Variants in TMC5 observed in about 807,000 individuals in gnomAD.
The protein encoded by TMC5 is transmembrane channel like 5, also known as transmembrane channel-like protein 5.
Under a neutral mutation model 110.5 loss-of-function variants are expected in TMC5, and 86 were observed. The ratio of observed to expected loss-of-function variants is 0.78; its 90% CI spans 0.65 to 0.93. The LOEUF is 0.93. Among genes scored for constraint, TMC5 ranks in the 40% least tolerant of loss-of-function variants. TMC5 has a pLI of 0.00. For missense variants in TMC5, 1,144 were observed against 1,222.8 expected (o/e 0.94, Z 0.96); for synonymous variants, 455 against 439.5 (o/e 1.04, Z -0.44).
At chr16:19,484,618 G>A (rs1037087479) in intron 15 of TMC5, among the ~76,000 whole-genome samples, 3 of 151,896 alleles carry the variant, frequency 2.0e-5, no homozygotes, top group Non-Finnish European at 2.9e-5. Context: ...CAAATTAGCC[G>A]GCTGTGGTAG....
intron 17 of TMC5, among the ~76,000 whole-genome samples, chr16:19,489,699 G>C (rs566300206): frequency 6.7e-6 from 1 of 148,990 alleles, no homozygotes; most frequent in African/African-American, 2.5e-5. Flanking sequence ...TGCCTAGGCT[G>C]GTCTCGAACT....
chr16:19,474,001 T>C, intron 11 of TMC5, 124 bp from the exon 12 acceptor site: 2 of 880,576 alleles, frequency 2.3e-6, no homozygotes, highest in Non-Finnish European at 3.3e-6. Context: ...AATAAATAAA[T>C]AGATAAATAG....
At chr16:19,431,571 A>T (rs915435109) in intron 2 of TMC5, among the ~76,000 whole-genome samples, 7 of 151,098 alleles carry the variant, frequency 4.6e-5, no homozygotes, top group Non-Finnish European at 8.8e-5. Context: ...AAGAAGAAGA[A>T]GACAAAATGT....
intron 2 of TMC5, among the ~76,000 whole-genome samples, chr16:19,430,901 C>A (rs1029344586): frequency 1.4e-5 from 2 of 147,170 alleles, no homozygotes; most frequent in African/African-American, 5.1e-5. Flanking sequence ...GCTCTGTCGC[C>A]AGGCTGGAGT....
At chr16:19,434,395 A>ATATATCATATATATCTATATATAATATAG (rs1567300681) in intron 2 of TMC5, among the ~76,000 whole-genome samples, 138 of 6,768 alleles carry the variant, frequency 0.02, 8 homozygotes, top group African/African-American at 0.069. Flanking sequence ...ATATAGATAT[A>ATATATCATATATATCTATATATAATATAG]ATATATATAT....
upstream of TMC5, among the ~76,000 whole-genome samples, chr16:19,415,906 T>C (rs1034185120): frequency 6.6e-6 from 1 of 152,120 alleles, no homozygotes; most frequent in African/African-American, 2.4e-5. Flanking sequence ...TGGGGCTGGG[T>C]GCAGTGGCTC....
At position 19,438,416 on chromosome 16, in the gene TMC5, G is replaced by GA. The variant is rs1250258001; in HGVS notation, c.-79-1540dup. ...AAAAAAAAAAAAAAAAAAGAAGAAA[G>GA]AAAAGAAAAAGAAAGAAAGAGAAAG... On this transcript the variant is annotated intron_variant, in intron 2 of 21. Transcript: ENST00000542583. Among the ~76,000 whole-genome samples the GA allele has an allele frequency of 6.8e-3, 195 of 28,848 alleles. 1 individual carries two copies. The highest frequency in any genetic ancestry group is 0.022 in the African/African-American group (167 of 7,524). 18.9% of individuals were successfully genotyped at this position (28,848 alleles called of 152,430 possible).
At chr16:19,418,512 G>C (rs1374026465) in intron 1 of TMC5, among the ~76,000 whole-genome samples, 1 of 152,078 alleles carries the variant, frequency 6.6e-6, no homozygotes, top group East Asian at 1.9e-4. Context: ...ATGTCTGGGG[G>C]TGTCTCCTGG....
At chr16:19,438,390 CAAA>C (rs60807937) in intron 2 of TMC5, among the ~76,000 whole-genome samples, 2 of 60,030 alleles carry the variant, frequency 3.3e-5, no homozygotes, top group African/African-American at 7.4e-5. Context: ...GACACCCTGT[CAAA>C]AAAAAAAAAA....
chr16:19,439,977 TC>T lies in TMC5; in HGVS notation c.-59del. 7.5e-7 allele frequency: 1 copy of T among 1,327,230 alleles called. No individual in the cohort carries two copies. The highest frequency in any genetic ancestry group is 1.0e-6 in the Non-Finnish European group (1 of 964,920). The allele number at this position is 1,327,230 out of a possible 1,614,324, so 82.2% of individuals were successfully genotyped here. A position where few individuals can be genotyped will look rare whatever the true frequency, so the allele number is the denominator to read the frequency against. On this transcript the variant is annotated 5_prime_UTR_variant, in exon 3 of 22. Coordinates refer to ENST00000542583, the MANE Select transcript of TMC5 (RefSeq NM_001261841.2). Reference sequence around the variant, plus strand: ...TTTTTCAGGTGAAAAAAAAAAAAGATCCCTGAGTAATTGCAAATGCTGGGAC... The same window carrying T: ...TTTTTCAGGTGAAAAAAAAAAAAGATCCTGAGTAATTGCAAATGCTGGGAC...
At chr16:19,492,352 A>C in intron 19 of TMC5, 124 bp downstream of exon 19, 1 of 509,810 alleles carries the variant, frequency 2.0e-6, no homozygotes. Flanking sequence ...CCTAACAACC[A>C]TCAATGTTTT....
intron 20 of TMC5, among the ~76,000 whole-genome samples, chr16:19,496,909 A>G (rs1046681069): frequency 2.8e-5 from 4 of 143,144 alleles, no homozygotes; most frequent in Non-Finnish European, 6.1e-5. Flanking sequence ...AAAAAAAAAA[A>G]AAAAGAGTAT....
chr16:19,418,097 G>A lies in TMC5; in HGVS notation c.-308+5G>A, dbSNP rs1966898114. Reference sequence around the variant, plus strand: ...TTCCTGTAGAACTGAGGGCAGGTAAGTGAAAGTGCTTTGAAGGAGGGGTGG... The same window carrying A: ...TTCCTGTAGAACTGAGGGCAGGTAAATGAAAGTGCTTTGAAGGAGGGGTGG... On this transcript the variant is annotated splice_donor_5th_base_variant and intron_variant, in intron 1 of 21. Coordinates refer to ENST00000542583, the MANE Select transcript of TMC5 (RefSeq NM_001261841.2). 6.6e-6 allele frequency: 1 copy of A among 152,262 alleles called. No individual in the cohort carries two copies. Among genetic ancestry groups the A allele is most frequent in the African/African-American group, 2.4e-5 (1 of 41,468 alleles). The allele number at this position is 152,262 out of a possible 1,614,324, so 9.4% of individuals were successfully genotyped here.
intron 2 of TMC5, among the ~76,000 whole-genome samples, chr16:19,438,154 G>T (rs573169136): frequency 1.1e-4 from 16 of 152,162 alleles, no homozygotes; most frequent in African/African-American, 3.6e-4. Context: ...CACTTTGGGA[G>T]GCTGAGGCAG....
chr16:19,434,276 ATC>A (rs1160361099), intron 2 of TMC5, among the ~76,000 whole-genome samples: 1 of 77,784 alleles, frequency 1.3e-5, no homozygotes, highest in African/African-American at 3.7e-5. Flanking sequence ...ATATATATAG[ATC>A]TATATATAAT....
chr16:19,435,055 C>T (rs778833583), intron 2 of TMC5, among the ~76,000 whole-genome samples: 33 of 152,148 alleles, frequency 2.2e-4, no homozygotes, highest in Non-Finnish European at 4.6e-4. Flanking sequence ...TCATTGGTTC[C>T]GATTTTCTTT....
At chr16:19,463,418 G>A in intron 7 of TMC5, 51 bp downstream of exon 7, 1 of 1,414,916 alleles carries the variant, frequency 7.1e-7, no homozygotes. Flanking sequence ...GGAGGGAGGA[G>A]AGTGAGGATG....
At chr16:19,439,698 G>A (rs1260851707) in intron 2 of TMC5, among the ~76,000 whole-genome samples, 1 of 152,176 alleles carries the variant, frequency 6.6e-6, no homozygotes, top group African/African-American at 2.4e-5. Context: ...CCCAGAGGAA[G>A]CAAGATGGAG....
At chr16:19,435,975 T>C (rs1967334920) in intron 2 of TMC5, among the ~76,000 whole-genome samples, 1 of 151,950 alleles carries the variant, frequency 6.6e-6, no homozygotes. Context: ...TGAAAAATAG[T>C]TTCTGGCCAG....
Sources: allele counts gnomAD v4.1 joint callset (sites outside exome capture counted in the v4.1 genomes callset), GRCh38; gene constraint gnomAD v4.1.1; transcripts MANE v1.5; gene names NCBI Gene and HGNC (gene_info 2026-07-23, HGNC 2026-07-21).